SLC36A4: variants seen among roughly 807,000 people sequenced by gnomAD.
SLC36A4 encodes the protein neutral amino acid uniporter 4.
SLC36A4 carries 49 observed loss-of-function variants against 50.5 expected under a neutral mutation model. The observed-to-expected ratio is 0.97, with a 90% confidence interval of 0.77 to 1.23. The LOEUF is 1.23. Among genes scored for constraint, SLC36A4 ranks in the 50% most tolerant of loss-of-function variants. SLC36A4 has a pLI of 0.00. For synonymous variants in SLC36A4, 207 were observed against 206.5 expected (o/e 1.00, Z -0.02); for missense variants, 611 against 608.4 (o/e 1.00, Z -0.05).
intron 6 of SLC36A4, chr11:93,170,988 G>T (rs1346792080): frequency 1.3e-5 from 2 of 151,992 alleles, no homozygotes; most frequent in East Asian, 3.9e-4. Flanking sequence ...ATAGCAATTG[G>T]TAAGGTTTAA....
Position 93,182,243 on chromosome 11 carries a change from T to C in SLC36A4, c.360-457A>G, listed in dbSNP as rs142132894. 1.5e-5 allele frequency: 12 copies of C among 811,938 alleles called. No individual in the cohort carries two copies. In the East Asian group the frequency reaches 1.3e-3, roughly 85 times the overall value. The allele number at this position is 811,938 out of a possible 1,614,324, so 50.3% of individuals were successfully genotyped here. A position where few individuals can be genotyped will look rare whatever the true frequency, so the allele number is the denominator to read the frequency against. ...AGGTATTATTTCTCCATTCTCTCTT[T>C]TTTTTTCCCAAGTATACATTGTTCT... On this transcript the variant is annotated intron_variant, in intron 4 of 10. Transcript: ENST00000326402.
Position 93,149,186 on chromosome 11 carries a change from C to T in SLC36A4, c.1208-342G>A, listed in dbSNP as rs140726865. Among the ~76,000 whole-genome samples the T allele has an allele frequency of 2.7e-3, 415 of 152,084 alleles. 2 individuals carry two copies. Among genetic ancestry groups the T allele is most frequent in the African/African-American group, 9.1e-3 (377 of 41,504 alleles). ...TTTGTCTGCCCATACAGCTCAATAA[C>T]GCACAAGACATAGAGTGGTGGGACA... is the stretch of plus-strand genomic sequence containing the variant. On this transcript the variant is annotated intron_variant, in intron 10 of 10. Coordinates refer to ENST00000326402, the MANE Select transcript of SLC36A4 (RefSeq NM_152313.4).
intron 1 of SLC36A4, among the ~76,000 whole-genome samples, chr11:93,192,226 G>T (rs1011856091): frequency 6.6e-6 from 1 of 152,194 alleles, no homozygotes; most frequent in African/African-American, 2.4e-5. Flanking sequence ...GCATTTCAAA[G>T]AAGTCCTGAC....
chr11:93,149,361 G>C (rs1434719351), intron 10 of SLC36A4, among the ~76,000 whole-genome samples: 1 of 151,856 alleles, frequency 6.6e-6, no homozygotes, highest in Non-Finnish European at 1.5e-5. Context: ...GAAATTAGTG[G>C]GCAAAAACTG....
At chr11:93,193,746 TC>T (rs2134716143) in intron 1 of SLC36A4, among the ~76,000 whole-genome samples, 1 of 152,248 alleles carries the variant, frequency 6.6e-6, no homozygotes. Context: ...AATATAAATT[TC>T]AAGTTGTAGA....
chr11:93,148,663 G>A lies in SLC36A4; in HGVS notation c.1389C>T (p.Gly463=). 3.1e-6 allele frequency: 5 copies of A among 1,612,792 alleles called. No individual in the cohort carries two copies. The highest frequency in any genetic ancestry group is 4.2e-6 in the Non-Finnish European group (5 of 1,179,288). Residue 463 remains glycine (G), a synonymous_variant, in exon 11 of 11, where the codon GGC becomes GGT. Coordinates refer to ENST00000326402, the MANE Select transcript of SLC36A4 (RefSeq NM_152313.4). ...CAGTTATATATGTACCTAATAAGAA[G>A]CCAACAACTCCAGTGAATGCTATAG... ...NISIAFTGVV[G]FLLGTYITVE...
chr11:93,155,347 G>T (rs10830993), intron 9 of SLC36A4: 1 of 151,610 alleles, frequency 6.6e-6, no homozygotes, highest in South Asian at 2.1e-4. Context: ...TCATTTAAGA[G>T]TTCTACTTTC....
chr11:93,180,716 G>C lies in SLC36A4; in HGVS notation c.540+81C>G, dbSNP rs1289468255. The C allele has an allele frequency of 7.6e-6, 7 of 923,460 alleles. No homozygotes were observed. In the Admixed American group the frequency reaches 1.7e-4, roughly 22 times the overall value. The allele number at this position is 923,460 out of a possible 1,614,324, so 57.2% of individuals were successfully genotyped here. On this transcript the variant is annotated intron_variant, in intron 6 of 10. Coordinates refer to ENST00000326402, the MANE Select transcript of SLC36A4 (RefSeq NM_152313.4). ...AAGGAACACATTTTCAAATTCAACTGTGGCTTCCACAGAAGATATATGAAG... is the reference window on the plus strand; with the variant it reads ...AAGGAACACATTTTCAAATTCAACTCTGGCTTCCACAGAAGATATATGAAG...
chr11:93,151,322 C>T (rs1860077189), intron 10 of SLC36A4, among the ~76,000 whole-genome samples: 1 of 151,786 alleles, frequency 6.6e-6, no homozygotes, highest in Admixed American at 6.6e-5. Context: ...TCAGTATTTA[C>T]CAAAACTATA....
chr11:93,176,673 G>T (rs1861489868), intron 6 of SLC36A4, among the ~76,000 whole-genome samples: 1 of 152,152 alleles, frequency 6.6e-6, no homozygotes. Context: ...GCATTTGCTT[G>T]TCTGTAAAGT....
rs752527473 is a variant in SLC36A4, at chr11:93,148,856, A to G, written c.1208-12T>C. 1 of 1,591,228 alleles carries G rather than the reference A, an allele frequency of 6.3e-7. No individual in the cohort carries two copies. The highest frequency in any genetic ancestry group is 1.9e-5 in the Admixed American group (1 of 52,862). ...AATTGCTCCGGCACCTAGAAAATGAAAATACATTTATTTTTCTTATTTAAA... is the reference window on the plus strand; with the variant it reads ...AATTGCTCCGGCACCTAGAAAATGAGAATACATTTATTTTTCTTATTTAAA... On this transcript the variant is annotated splice_polypyrimidine_tract_variant and intron_variant, in intron 10 of 10. Transcript: ENST00000326402.
chr11:93,153,879 C>T, intron 10 of SLC36A4: 1 of 238,674 alleles, frequency 4.2e-6, no homozygotes, highest in Non-Finnish European at 7.9e-6. Flanking sequence ...AAAATAACTT[C>T]ATTAGTTATT....
rs1859939512 is a variant in SLC36A4 at position 93,148,647 on chromosome 11, A to G, written c.1405T>C (p.Tyr469His). The G allele has an allele frequency of 6.2e-7, 1 of 1,612,788 alleles. No individual in the cohort carries two copies. The highest frequency in any genetic ancestry group is 2.2e-5 in the East Asian group (1 of 44,820). ...TAAATAATTTCTTCAACAGTTATATATGTACCTAATAAGAAGCCAACAACT... is the reference window on the plus strand; with the variant it reads ...TAAATAATTTCTTCAACAGTTATATGTGTACCTAATAAGAAGCCAACAACT... ...TGVVGFLLGT[Y>H]ITVEEIIYPT... Residue 469 changes from tyrosine (Y) to histidine (H), a missense_variant, in exon 11 of 11, where the codon TAT becomes CAT. Physicochemically the swap from Tyr to His is moderately conservative, Grantham distance 83. Coordinates refer to ENST00000326402, the MANE Select transcript of SLC36A4 (RefSeq NM_152313.4).
intron 10 of SLC36A4, among the ~76,000 whole-genome samples, chr11:93,150,955 T>C (rs1379500383): frequency 1.3e-5 from 2 of 152,092 alleles, no homozygotes; most frequent in African/African-American, 4.8e-5. Context: ...AGTGAAATAT[T>C]GTTGGAAAAC....
In SLC36A4 at chr11:93,153,831, A is replaced by G. The variant is rs186311237; in HGVS notation, c.1207+277T>C. On this transcript the variant is annotated intron_variant, in intron 10 of 10. Coordinates refer to ENST00000326402, the MANE Select transcript of SLC36A4 (RefSeq NM_152313.4). ...GTGTATCAGAAATGGAAGGGGTCCC[A>G]TGTACACATTATTTTAATCACCAGT... 812 of 177,890 alleles carry G rather than the reference A, an allele frequency of 4.6e-3. 7 individuals carry two copies. The highest frequency in any genetic ancestry group is 0.018 in the African/African-American group (766 of 42,582). 11.0% of individuals were successfully genotyped at this position (177,890 alleles called of 1,614,324 possible).
In SLC36A4 at chr11:93,181,759, A is replaced by G. The variant is rs1300143062; in HGVS notation, c.387T>C (p.Ser129=). ...LRFKKSTLGY[S]DTVSFAMEVS... ...CTTCCATAGCAAAGCTCACAGTGTC[A>G]CTATAACCTAATGTTGACTTTTTAA... is the stretch of plus-strand genomic sequence containing the variant. The change falls in exon 5 of 11, where the codon AGT becomes AGC. Residue 129 remains serine, a synonymous_variant. Coordinates refer to ENST00000326402, the MANE Select transcript of SLC36A4 (RefSeq NM_152313.4). The G allele has an allele frequency of 6.4e-7, 1 of 1,554,790 alleles. No homozygotes were observed. The highest frequency in any genetic ancestry group is 1.7e-4 in the Middle Eastern group (1 of 5,974).
At chr11:93,177,118 A>G (rs1196162398) in intron 6 of SLC36A4, among the ~76,000 whole-genome samples, 2 of 152,124 alleles carry the variant, frequency 1.3e-5, no homozygotes, top group African/African-American at 2.4e-5. Flanking sequence ...GTCTTTTCAC[A>G]TAGTTCCATA....
At position 93,181,691 on chromosome 11, in the gene SLC36A4, C is replaced by T. The variant is rs148796929; in HGVS notation, c.455G>A (p.Arg152Gln). Residue 152 changes from arginine to glutamine, a missense_variant and splice_region_variant, in exon 5 of 11, where the codon CGG becomes CAG. By Grantham distance (43) the Arg-to-Gln change is conservative (BLOSUM62 1). Transcript: ENST00000326402. ...TATTAATAACAGAGTAAGTACTTAC[C>T]GCCCCCATGCTGCTTGCTTCTGAAG... ...SCLQKQAAWG[R>Q]SVVDFFLVIT... 92 of 1,515,150 alleles carry T rather than the reference C, an allele frequency of 6.1e-5. No homozygotes were observed. Among genetic ancestry groups the T allele is most frequent in the African/African-American group, 9.8e-5 (7 of 71,676 alleles). 93.9% of individuals were successfully genotyped at this position (1,515,150 alleles called of 1,614,324 possible).
At chr11:93,155,644 G>A (rs924332918) in intron 9 of SLC36A4, among the ~76,000 whole-genome samples, 3 of 151,964 alleles carry the variant, frequency 2.0e-5, no homozygotes, top group African/African-American at 7.3e-5. Context: ...TTTGTGTCAT[G>A]GGGGCTTGTT....
Sources: allele counts gnomAD v4.1 joint callset (sites outside exome capture counted in the v4.1 genomes callset), GRCh38; gene constraint gnomAD v4.1.1; transcripts MANE v1.5; gene names NCBI Gene and HGNC (gene_info 2026-07-23, HGNC 2026-07-21).